THRAP3: variants seen among roughly 807,000 people sequenced by gnomAD.
The protein encoded by THRAP3 is thyroid hormone receptor associated protein 3, also known as thyroid hormone receptor-associated protein 3.
Under a neutral mutation model 101.0 loss-of-function variants are expected in THRAP3, and 16 were observed. That is an observed-to-expected ratio of 0.16 (90% CI 0.11 to 0.24). The LOEUF (loss-of-function observed/expected upper bound fraction) is 0.24, where lower values mean the gene tolerates loss of function less well. Among genes scored for constraint, THRAP3 ranks in the 10% least tolerant of loss-of-function variants. The pLI, the probability that THRAP3 is intolerant of heterozygous loss-of-function variation, is 1.00. For synonymous variants in THRAP3, 407 were observed against 422.6 expected, an observed-to-expected ratio of 0.96 and a Z score of 0.45; for missense variants, 989 against 1,202.7, an observed-to-expected ratio of 0.82 and a Z score of 2.63.
In THRAP3 at chr1:36,301,004, G is replaced by A. The variant is rs759089258; in HGVS notation, c.2422G>A (p.Gly808Ser). ...AGAGGAAAGAGAGGAGAGCACCACGGGCTTTGACAAATCAAGACTGGGGAC... is the reference window on the plus strand; with the variant it reads ...AGAGGAAAGAGAGGAGAGCACCACGAGCTTTGACAAATCAAGACTGGGGAC... ...ETEEREESTT[G>S]FDKSRLGTKD... is the part of the protein sequence containing the mutation. Residue 808 changes from glycine (G) to serine (S), a missense_variant, in exon 10 of 12, where the codon GGC (glycine) becomes AGC (serine). Transcript: ENST00000354618. 5.0e-6 allele frequency: 8 copies of A among 1,614,032 alleles called. No homozygotes were observed. The African/African-American group carries it at 1.1e-4, about 22-fold the overall frequency.
intron 1 of THRAP3, among the ~76,000 whole-genome samples, chr1:36,239,286 T>C (rs1251001927): frequency 7.3e-6 from 1 of 137,294 alleles, no homozygotes; most frequent in African/African-American, 2.7e-5. Flanking sequence ...TTGAGTCAGC[T>C]TCTCGCTCTA....
At chr1:36,277,213 C>T (rs959414732) in intron 2 of THRAP3, among the ~76,000 whole-genome samples, 3 of 151,920 alleles carry the variant, frequency 2.0e-5, no homozygotes, top group African/African-American at 7.3e-5. Flanking sequence ...AGGAGATCTG[C>T]CCACCTCTGC....
At chr1:36,252,853 G>A (rs1057152748) in intron 1 of THRAP3, among the ~76,000 whole-genome samples, 11 of 149,478 alleles carry the variant, frequency 7.4e-5, no homozygotes, top group African/African-American at 1.5e-4. Context: ...GTTGCACTGA[G>A]CCAAGACCAT....
chr1:36,233,609 A>G (rs943631764), intron 1 of THRAP3, among the ~76,000 whole-genome samples: 1 of 151,628 alleles, frequency 6.6e-6, no homozygotes, highest in Non-Finnish European at 1.5e-5. Flanking sequence ...AATAAAATAA[A>G]ATAAAAAATT....
chr1:36,277,536 G>A (rs1645676512), intron 2 of THRAP3, among the ~76,000 whole-genome samples: 1 of 146,774 alleles, frequency 6.8e-6, no homozygotes, highest in African/African-American at 2.5e-5. Context: ...GACAGATAAC[G>A]TGCTTTGTCA....
Position 36,289,489 on chromosome 1 carries a change from G to A in THRAP3, c.1470G>A (p.Leu490=), listed in dbSNP as rs1645837865. Reference sequence around the variant, plus strand: ...AAAAGCAGAGAAAAACAGAGGAGCTGGAGGAGGAGTCTTTCCCAGAGAGAT... The same window carrying A: ...AAAAGCAGAGAAAAACAGAGGAGCTAGAGGAGGAGTCTTTCCCAGAGAGAT... ...GKEKQRKTEE[L]EEESFPERSK... is the part of the protein sequence containing the mutation. The change falls in exon 5 of 12, where the codon CTG becomes CTA. Residue 490 remains leucine (L), a synonymous_variant. Transcript: ENST00000354618. 1 of 1,614,226 alleles carries A rather than the reference G, an allele frequency of 6.2e-7. No individual in the cohort carries two copies. The highest frequency in any genetic ancestry group is 1.1e-5 in the South Asian group (1 of 91,082).
chr1:36,253,781 G>GTTTTTTTTTTTT (rs1353553825), intron 1 of THRAP3, among the ~76,000 whole-genome samples: 35 of 35,116 alleles, frequency 1.0e-3, no homozygotes, highest in African/African-American at 2.7e-3. Flanking sequence ...TTTTTTTTTA[G>GTTTTTTTTTTTT]TTTTTGTAGA....
At chr1:36,216,923 G>T in the THRAP3 span, among the ~76,000 whole-genome samples, 1 of 152,156 alleles carries the variant, frequency 6.6e-6, no homozygotes, top group East Asian at 1.9e-4. Flanking sequence ...TACTCTTCCT[G>T]CATTGCACTC....
upstream of THRAP3, among the ~76,000 whole-genome samples, chr1:36,220,953 CAAAAA>C (rs1206488922): frequency 9.0e-5 from 4 of 44,386 alleles, no homozygotes; most frequent in African/African-American, 5.4e-4. Flanking sequence ...GAGACTGTCT[CAAAAA>C]AAAAAAAAAA....
At chr1:36,292,454 T>TA in intron 6 of THRAP3, 144 bp from the exon 7 acceptor site, 1 of 536,684 alleles carries the variant, frequency 1.9e-6, no homozygotes, top group Non-Finnish European at 3.3e-6. Flanking sequence ...GTATTTTTAG[T>TA]AGAGACGGGG....
At position 36,296,784 on chromosome 1, in the gene THRAP3, T is replaced by C; in HGVS notation, c.2303+14T>C. On this transcript the variant is annotated intron_variant, in intron 9 of 11. Coordinates refer to ENST00000354618, the MANE Select transcript of THRAP3 (RefSeq NM_005119.4). ...AAAGAAACAGAAGTACGTAAGCCCC[T>C]GTTACCCCTTCCAGACTCTTAAGTT... 3 of 1,566,210 alleles carry C rather than the reference T, an allele frequency of 1.9e-6. No homozygotes were observed. The highest frequency in any genetic ancestry group is 1.2e-5 in the South Asian group (1 of 81,940).
At chr1:36,223,440 C>T (rs1021492013), upstream of THRAP3, among the ~76,000 whole-genome samples, 3 of 152,174 alleles carry the variant, frequency 2.0e-5, no homozygotes, top group African/African-American at 7.2e-5. Flanking sequence ...ACAGTCTTGT[C>T]GGGGAAGGCC....
At chr1:36,219,632 A>T (rs1422670554), upstream of THRAP3, among the ~76,000 whole-genome samples, 1 of 150,878 alleles carries the variant, frequency 6.6e-6, no homozygotes, top group Non-Finnish European at 1.5e-5. Context: ...GTTTCACCAC[A>T]TTGGAGAGGT....
At chr1:36,269,191 GA>G (rs1645556738) in intron 2 of THRAP3, among the ~76,000 whole-genome samples, 1 of 152,056 alleles carries the variant, frequency 6.6e-6, no homozygotes, top group South Asian at 2.1e-4. Context: ...TGTTTTTGCT[GA>G]TTTTTGTTGG....
At chr1:36,208,449 C>A in the THRAP3 span, among the ~76,000 whole-genome samples, 1 of 151,894 alleles carries the variant, frequency 6.6e-6, no homozygotes, top group Non-Finnish European at 1.5e-5. Context: ...CCTCTCATCT[C>A]CATCTCACCC....
intron 11 of THRAP3, among the ~76,000 whole-genome samples, chr1:36,303,112 A>ATTTTTTTTTTT (rs397936228): frequency 5.8e-4 from 72 of 125,126 alleles, no homozygotes; most frequent in Non-Finnish European, 7.2e-4. Context: ...TGCCTGGCTA[A>ATTTTTTTTTTT]TTTTTTTTTT....
chr1:36,302,284 T>C (rs1324738241), intron 11 of THRAP3, among the ~76,000 whole-genome samples: 2 of 152,124 alleles, frequency 1.3e-5, no homozygotes, highest in East Asian at 3.8e-4. Context: ...CTGGTGTGAG[T>C]GTTATAACTA....
chr1:36,262,752 A>T (rs1645461717), intron 2 of THRAP3, among the ~76,000 whole-genome samples: 1 of 151,118 alleles, frequency 6.6e-6, no homozygotes, highest in African/African-American at 2.4e-5. Context: ...CAAGGCTTTA[A>T]TAGTAATGCT....
intron 1 of THRAP3, among the ~76,000 whole-genome samples, chr1:36,242,609 C>T (rs1445565623): frequency 2.0e-5 from 3 of 152,008 alleles, no homozygotes; most frequent in East Asian, 1.9e-4. Flanking sequence ...CCAGCCACCA[C>T]GCTCGGCTAA....
Sources: gnomAD v4.1 joint callset for allele counts (sites outside exome capture counted in the v4.1 genomes callset) on GRCh38, gnomAD v4.1.1 for gene constraint, MANE v1.5 for transcripts, NCBI Gene and HGNC (gene_info 2026-07-23, HGNC 2026-07-21) for gene names.